Variants in PRKD2 observed in about 807,000 individuals in gnomAD.
PRKD2 encodes the protein serine/threonine-protein kinase D2.
In PRKD2, 22 loss-of-function variants were observed where a neutral mutation model predicts 86.0. The observed-to-expected ratio is 0.26, with a 90% confidence interval of 0.18 to 0.37. The LOEUF is 0.37. Among genes scored for constraint, PRKD2 ranks in the 10% least tolerant of loss-of-function variants. The pLI is 1.00. For missense variants in PRKD2, 818 were observed against 1,199.2 expected (o/e 0.68, Z 4.70); for synonymous variants, 509 against 510.9 (o/e 1.00, Z 0.05).
intron 5 of PRKD2, among the ~76,000 whole-genome samples, chr19:46,703,598 C>G (rs1051926101): frequency 1.3e-5 from 2 of 151,880 alleles, no homozygotes; most frequent in Non-Finnish European, 2.9e-5. Context: ...GGTGAAACCC[C>G]GTCTCTACTA....
chr19:46,716,085 C>T lies in PRKD2; in HGVS notation c.240+46G>A. 1 of 1,600,590 alleles carries T rather than the reference C, an allele frequency of 6.2e-7. No homozygotes were observed. The highest frequency in any genetic ancestry group is 2.3e-5 in the East Asian group (1 of 43,652). Reference sequence around the variant, plus strand: ...CCAGACCCCTCTGCCAGCGCCCCCTCCTTCAACCTCTCCCCGAGCTGGATC... The same window carrying T: ...CCAGACCCCTCTGCCAGCGCCCCCTTCTTCAACCTCTCCCCGAGCTGGATC... On this transcript the variant is annotated intron_variant, in intron 1 of 17. Coordinates refer to ENST00000291281, the MANE Select transcript of PRKD2 (RefSeq NM_016457.5). The surrounding 1 kb of genome is among the most constrained non-coding windows in gnomAD (Gnocchi z 7.9).
intron 13 of PRKD2, among the ~76,000 whole-genome samples, 175 bp downstream of exon 13, chr19:46,690,425 T>C (rs568630102): frequency 6.6e-6 from 1 of 152,316 alleles, no homozygotes; most frequent in Admixed American, 6.5e-5. Flanking sequence ...GAAAACCTCA[T>C]GCTCCCTCTC....
intron 3 of PRKD2, among the ~76,000 whole-genome samples, chr19:46,708,971 GGTTTTT>G (rs1360416357): frequency 5.0e-5 from 4 of 80,296 alleles, no homozygotes; most frequent in African/African-American, 2.0e-4. Flanking sequence ...GTTTGTTTGT[GGTTTTT>G]TTTTTTTTTT....
Position 46,704,143 on chromosome 19 carries a change from TGTCCTCCCCGACAG to T in PRKD2, c.889+12_889+25del, listed in dbSNP as rs758956199. ...GCGGGAAGGAGGTTCTGACCCTGTC[TGTCCTCCCCGACAG>T]GCCCAGCTAACCTTTGCATTGCAGG... On this transcript the variant is annotated intron_variant, in intron 5 of 17. Coordinates refer to ENST00000291281, the MANE Select transcript of PRKD2 (RefSeq NM_016457.5). The T allele has an allele frequency of 5.3e-5, 86 of 1,612,772 alleles. 1 individual carries two copies. In the South Asian group the frequency reaches 9.3e-4, roughly 18 times the overall value.
chr19:46,686,223 C>T (rs1263654681), intron 14 of PRKD2: 1 of 151,980 alleles, frequency 6.6e-6, no homozygotes, highest in Non-Finnish European at 1.5e-5. Context: ...ACTCTATGGC[C>T]GGCTGGACGC....
chr19:46,708,128 A>G (rs1402475079), intron 3 of PRKD2, among the ~76,000 whole-genome samples: 1 of 151,956 alleles, frequency 6.6e-6, no homozygotes, highest in Non-Finnish European at 1.5e-5. Flanking sequence ...TTTTTAAACT[A>G]TGATTTAAGG....
chr19:46,693,290 C>T lies in PRKD2; in HGVS notation c.1576+585G>A, dbSNP rs2053508312. Among the ~76,000 whole-genome samples the T allele has an allele frequency of 6.6e-6, 1 of 152,234 alleles. No individual in the cohort carries two copies. ...AGGTCTTGGGCTGTCCTGGCCACCA[C>T]TGGGTCCCCAGCACTGTCCCGCACA... is the stretch of plus-strand genomic sequence containing the variant. On this transcript the variant is annotated intron_variant, in intron 10 of 17. Coordinates refer to ENST00000291281, the MANE Select transcript of PRKD2 (RefSeq NM_016457.5). The surrounding 1 kb of genome is among the most constrained non-coding windows in gnomAD (Gnocchi z 4.5).
intron 3 of PRKD2, among the ~76,000 whole-genome samples, chr19:46,706,614 T>C (rs994950839): frequency 1.3e-5 from 2 of 152,186 alleles, no homozygotes; most frequent in African/African-American, 2.4e-5. Flanking sequence ...TGGGGTTCTC[T>C]TGCCACCATA....
chr19:46,710,594 C>A (rs2053790807), intron 3 of PRKD2: 2 of 338,012 alleles, frequency 5.9e-6, no homozygotes, highest in South Asian at 1.6e-4. Flanking sequence ...TGATCCCTAA[C>A]TGATAGAGGC....
At chr19:46,691,111 G>C (rs1243577056) in intron 12 of PRKD2, among the ~76,000 whole-genome samples, 2 of 152,028 alleles carry the variant, frequency 1.3e-5, no homozygotes, top group Admixed American at 6.6e-5. Context: ...TACCCTCCCT[G>C]TCCTATTGAA....
chr19:46,700,745 T>C, intron 7 of PRKD2, 54 bp downstream of exon 7: 1 of 1,564,092 alleles, frequency 6.4e-7, no homozygotes, highest in South Asian at 1.2e-5. Context: ...GAAATTGAGG[T>C]TCACTGTGCA....
chr19:46,715,169 T>G (rs949577816), intron 1 of PRKD2, among the ~76,000 whole-genome samples: 1 of 151,904 alleles, frequency 6.6e-6, no homozygotes, highest in Non-Finnish European at 1.5e-5. Context: ...ATCTAATATT[T>G]TAATATTCTA....
At chr19:46,695,812 G>C (rs988158889) in intron 9 of PRKD2, among the ~76,000 whole-genome samples, 1 of 152,052 alleles carries the variant, frequency 6.6e-6, no homozygotes, top group Non-Finnish European at 1.5e-5. Flanking sequence ...ACGTCGGGGG[G>C]GCATGGTGAG....
chr19:46,708,441 T>C (rs1043697065), intron 3 of PRKD2, among the ~76,000 whole-genome samples: 5 of 150,710 alleles, frequency 3.3e-5, no homozygotes, highest in Non-Finnish European at 7.4e-5. Context: ...CCTCAGCCTC[T>C]TGAGTAGCTA....
rs967592855 is a variant in PRKD2 at position 46,704,262 on chromosome 19, T to A, written c.796A>T (p.Thr266Ser). 5.6e-6 allele frequency: 9 copies of A among 1,614,018 alleles called. No individual in the cohort carries two copies. Among genetic ancestry groups the A allele is most frequent in the Non-Finnish European group, 7.6e-6 (9 of 1,180,020 alleles). Residue 266 changes from threonine (T) to serine (S), a missense_variant, in exon 5 of 18, where the codon ACC becomes TCC. This residue lies in a region of PRKD2 where 403 missense variants were observed against 518.6 expected (regional missense o/e 0.78). Coordinates refer to ENST00000291281, the MANE Select transcript of PRKD2 (RefSeq NM_016457.5). ...MLLSKVKVPH[T>S]FLIHSYTRPT... ...CGTGTATAGCTGTGGATGAGGAAGG[T>A]GTGCGGCACCTTGACCTTGGAGAGC... is the stretch of plus-strand genomic sequence containing the variant.
Position 46,700,946 on chromosome 19 carries a change from G to C in PRKD2, c.974C>G (p.Pro325Arg). Residue 325 changes from proline to arginine, a missense_variant, in exon 7 of 18, where the codon CCG becomes CGG. By Grantham distance (103) the Pro-to-Arg change is moderately radical. Around this residue, in one of 5 missense-constraint regions of PRKD2, gnomAD observed 403 missense variants for 518.6 expected, o/e 0.78. Transcript: ENST00000291281. ...LGEALINGDV[P>R]MEEATDFSEA... Reference sequence around the variant, plus strand: ...GCTGAAATCGGTGGCCTCCTCCATCGGCACATCTGTGGGGACGGAGGCATC... The same window carrying C: ...GCTGAAATCGGTGGCCTCCTCCATCCGCACATCTGTGGGGACGGAGGCATC... The C allele has an allele frequency of 6.2e-7, 1 of 1,614,190 alleles. No homozygotes were observed. The highest frequency in any genetic ancestry group is 8.5e-7 in the Non-Finnish European group (1 of 1,180,010).
chr19:46,690,876 G>A (rs1353837900), intron 12 of PRKD2, among the ~76,000 whole-genome samples, 170 bp from the exon 13 acceptor site: 1 of 152,118 alleles, frequency 6.6e-6, no homozygotes, highest in African/African-American at 2.4e-5. Flanking sequence ...GTGCACCTTG[G>A]GAGTAAAGGC....
chr19:46,716,559 T>C lies in PRKD2; in HGVS notation c.-189A>G, dbSNP rs2053884091. 1 of 445,738 alleles carries C rather than the reference T, an allele frequency of 2.2e-6. No individual in the cohort carries two copies. Among genetic ancestry groups the C allele is most frequent in the Non-Finnish European group, 3.9e-6 (1 of 253,776 alleles). 27.6% of individuals were successfully genotyped at this position (445,738 alleles called of 1,614,324 possible). On this transcript the variant is annotated 5_prime_UTR_variant, in exon 1 of 18. Coordinates refer to ENST00000291281, the MANE Select transcript of PRKD2 (RefSeq NM_016457.5). The surrounding 1 kb of genome is among the most constrained non-coding windows in gnomAD (Gnocchi z 7.9). ...TCCTGGGAAGGAGAGAAAGGCACTATAGTGGGTCAGAGGCCCGGAATCCAG... is the reference window on the plus strand; with the variant it reads ...TCCTGGGAAGGAGAGAAAGGCACTACAGTGGGTCAGAGGCCCGGAATCCAG...
chr19:46,699,936 AAAAAG>A (rs2053612818), intron 7 of PRKD2, among the ~76,000 whole-genome samples: 2 of 151,460 alleles, frequency 1.3e-5, no homozygotes, highest in East Asian at 1.9e-4. Context: ...AAAAAAAAAA[AAAAAG>A]AAGAGGAATA....
Sources: gnomAD v4.1 joint callset for allele counts (sites outside exome capture counted in the v4.1 genomes callset) on GRCh38, gnomAD v4.1.1 for gene constraint, gnomAD v4.1.1 regional missense constraint, Gnocchi (gnomAD v3.1) non-coding constraint, MANE v1.5 for transcripts, NCBI Gene and HGNC (gene_info 2026-07-23, HGNC 2026-07-21) for gene names.